DPP10: variants seen among roughly 807,000 people sequenced by gnomAD.
DPP10 encodes dipeptidyl peptidase like 10, also known as inactive dipeptidyl peptidase 10.
In DPP10, 33 loss-of-function variants were observed where a neutral mutation model predicts 120.9. That is an observed-to-expected ratio of 0.27 (90% CI 0.21 to 0.37). The LOEUF (loss-of-function observed/expected upper bound fraction) is 0.37. DPP10 is among the 10% of genes least tolerant of loss of function. The pLI is 1.00. For synonymous variants in DPP10, 337 were observed against 326.1 expected (o/e 1.03, Z -0.36); for missense variants, 816 against 942.8 (o/e 0.87, Z 1.76).
At chr2:114,483,716 G>A (rs920019641) in intron 1 of DPP10, among the ~76,000 whole-genome samples, 1 of 152,176 alleles carries the variant, frequency 6.6e-6, no homozygotes, top group African/African-American at 2.4e-5. Context: ...GTGGAATGCA[G>A]TCCTTTTTCT....
intron 1 of DPP10, among the ~76,000 whole-genome samples, chr2:114,907,751 G>T (rs1389989687): frequency 6.6e-6 from 1 of 152,034 alleles, no homozygotes; most frequent in Non-Finnish European, 1.5e-5. Flanking sequence ...GCACTTGAGA[G>T]GAAAGTGCAT....
At chr2:115,358,541 A>G (rs2064558714) in intron 3 of DPP10, among the ~76,000 whole-genome samples, 1 of 152,142 alleles carries the variant, frequency 6.6e-6, no homozygotes, top group African/African-American at 2.4e-5. Context: ...AAACTTTCCC[A>G]CATTTTCCTA....
chr2:115,316,275 G>A (rs947397849), intron 2 of DPP10, among the ~76,000 whole-genome samples: 2 of 152,130 alleles, frequency 1.3e-5, no homozygotes, highest in Non-Finnish European at 2.9e-5. Context: ...AGAGATGCTC[G>A]ATCACTCTCT....
chr2:114,773,419 T>C (rs1412662593), intron 1 of DPP10, among the ~76,000 whole-genome samples: 1 of 147,934 alleles, frequency 6.8e-6, no homozygotes, highest in African/African-American at 2.5e-5. Context: ...AAATTATAAC[T>C]CAACAGACCT....
intron 1 of DPP10, among the ~76,000 whole-genome samples, chr2:114,679,236 G>A (rs1698866330): frequency 6.6e-6 from 1 of 152,020 alleles, no homozygotes; most frequent in Non-Finnish European, 1.5e-5. Flanking sequence ...GAGAGGTGGT[G>A]CTGAGCTCTG....
intron 1 of DPP10, among the ~76,000 whole-genome samples, chr2:115,256,247 A>G (rs1441766231): frequency 2.6e-5 from 4 of 151,288 alleles, no homozygotes; most frequent in Non-Finnish European, 5.9e-5. Flanking sequence ...AGCCATTTAT[A>G]AAATCATCAG....
intron 1 of DPP10, among the ~76,000 whole-genome samples, chr2:114,633,654 C>T (rs1461402469): frequency 6.6e-6 from 1 of 151,448 alleles, no homozygotes; most frequent in African/African-American, 2.4e-5. Flanking sequence ...TCATGTGTCA[C>T]CCAGACTAGA....
intron 1 of DPP10, among the ~76,000 whole-genome samples, chr2:114,953,112 A>C (rs373391268): frequency 6.6e-5 from 10 of 152,064 alleles, no homozygotes; most frequent in East Asian, 3.9e-4. Flanking sequence ...ATATTAAATA[A>C]TATATGCTTT....
intron 1 of DPP10, among the ~76,000 whole-genome samples, chr2:115,179,418 C>T (rs147295510): frequency 1.4e-4 from 22 of 152,064 alleles, no homozygotes; most frequent in African/African-American, 4.1e-4. Flanking sequence ...ATAATGAATA[C>T]GTGGTGTGCT....
chr2:115,537,816 C>G (rs901427156), intron 5 of DPP10, among the ~76,000 whole-genome samples: 2 of 151,954 alleles, frequency 1.3e-5, no homozygotes, highest in Middle Eastern at 3.4e-3. Context: ...TGATTGATGC[C>G]AGATGTGGGG....
At chr2:115,727,305 T>C (rs1226446589) in intron 7 of DPP10, among the ~76,000 whole-genome samples, 2 of 152,120 alleles carry the variant, frequency 1.3e-5, no homozygotes, top group South Asian at 2.1e-4. Context: ...GGAATTTTAG[T>C]ATCGTTTCTA....
intron 1 of DPP10, among the ~76,000 whole-genome samples, chr2:114,989,082 A>G (rs898852720): frequency 3.3e-5 from 5 of 152,204 alleles, no homozygotes; most frequent in African/African-American, 1.2e-4. Context: ...GATGGAAATC[A>G]AGTGTATATT....
At chr2:114,475,496 T>A (rs946001381) in intron 1 of DPP10, among the ~76,000 whole-genome samples, 4 of 152,202 alleles carry the variant, frequency 2.6e-5, no homozygotes, top group Admixed American at 1.3e-4. Context: ...CCTCTCTCTC[T>A]GTCTCTGTTC....
intron 1 of DPP10, among the ~76,000 whole-genome samples, chr2:114,646,638 G>T (rs1696162399): frequency 6.6e-6 from 1 of 152,176 alleles, no homozygotes; most frequent in African/African-American, 2.4e-5. Flanking sequence ...GGAGGAGACA[G>T]CACTAAGTCC....
chr2:115,337,524 A>G (rs2063211456), intron 2 of DPP10, among the ~76,000 whole-genome samples: 1 of 151,950 alleles, frequency 6.6e-6, no homozygotes, highest in Non-Finnish European at 1.5e-5. Flanking sequence ...GTCTTTGTCA[A>G]CATTGCCGAG....
At chr2:114,927,917 G>A (rs992646184) in intron 1 of DPP10, among the ~76,000 whole-genome samples, 1 of 152,048 alleles carries the variant, frequency 6.6e-6, no homozygotes, top group African/African-American at 2.4e-5. Context: ...GGGAGTAGGG[G>A]GAGGTTCTAG....
intron 1 of DPP10, among the ~76,000 whole-genome samples, chr2:115,042,938 G>A (rs1704777078): frequency 6.6e-6 from 1 of 152,152 alleles, no homozygotes; most frequent in African/African-American, 2.4e-5. Flanking sequence ...TATTTTGAAT[G>A]TTAAATAATT....
At chr2:114,718,226 C>T (rs1701480787) in intron 1 of DPP10, among the ~76,000 whole-genome samples, 1 of 151,614 alleles carries the variant, frequency 6.6e-6, no homozygotes, top group Non-Finnish European at 1.5e-5. Context: ...AGTCCTATAG[C>T]CTTCAATATG....
At chr2:114,831,022 ATTTTTTTTTTTTTTTT>A (rs70941010) in intron 1 of DPP10, among the ~76,000 whole-genome samples, 25 of 45,978 alleles carry the variant, frequency 5.4e-4, no homozygotes, top group East Asian at 2.5e-3. Context: ...CCATGCAAAG[ATTTTTTTTTTTTTTTT>A]TTTTTTTTTT....
Sources: allele counts gnomAD v4.1 joint callset (sites outside exome capture counted in the v4.1 genomes callset), GRCh38; gene constraint gnomAD v4.1.1; transcripts MANE v1.5; gene names NCBI Gene and HGNC (gene_info 2026-07-23, HGNC 2026-07-21).